PHC3: variants seen among roughly 807,000 people sequenced by gnomAD.
The protein encoded by PHC3 is polyhomeotic-like protein 3.
In PHC3, 13 loss-of-function variants were observed where a neutral mutation model predicts 107.4. The ratio of observed to expected loss-of-function variants is 0.12; its 90% CI spans 0.08 to 0.19. PHC3 has a LOEUF of 0.19. PHC3 is among the 10% of genes least tolerant of loss of function. PHC3 has a pLI of 1.00. For missense variants in PHC3, 992 were observed against 1,210.9 expected (o/e 0.82, Z 2.68); for synonymous variants, 456 against 427.4 (o/e 1.07, Z -0.83).
intron 4 of PHC3, among the ~76,000 whole-genome samples, chr3:170,159,112 G>A (rs999169041): frequency 6.6e-6 from 1 of 151,664 alleles, no homozygotes; most frequent in Non-Finnish European, 1.5e-5. Context: ...TTAGCAGGGC[G>A]TGGTGGCAGG....
At chr3:170,179,455 T>C (rs1005939001) in intron 1 of PHC3, among the ~76,000 whole-genome samples, 1 of 152,226 alleles carries the variant, frequency 6.6e-6, no homozygotes. Context: ...TTTTAAAAAA[T>C]GTTAAAAAGT....
intron 4 of PHC3, among the ~76,000 whole-genome samples, chr3:170,161,223 T>C (rs184915676): frequency 1.4e-4 from 21 of 152,288 alleles, no homozygotes; most frequent in Non-Finnish European, 2.8e-4. Context: ...ACAGTCTTAT[T>C]CAGAACTTGA....
At chr3:170,174,397 G>A (rs1328349787) in intron 2 of PHC3, among the ~76,000 whole-genome samples, 2 of 152,090 alleles carry the variant, frequency 1.3e-5, no homozygotes, top group African/African-American at 4.8e-5. Flanking sequence ...ATCTGAGCCT[G>A]AAACTTCATA....
At chr3:170,112,314 GA>G (rs1307959594) in intron 11 of PHC3, among the ~76,000 whole-genome samples, 1 of 151,250 alleles carries the variant, frequency 6.6e-6, no homozygotes, top group Non-Finnish European at 1.5e-5. Context: ...TGGTTCAAGC[GA>G]TTCTCCTGCC....
At chr3:170,159,434 A>G (rs1727491985) in intron 4 of PHC3, among the ~76,000 whole-genome samples, 1 of 152,134 alleles carries the variant, frequency 6.6e-6, no homozygotes, top group African/African-American at 2.4e-5. Context: ...GGGCTAAAAG[A>G]AAAAGTTAAG....
chr3:170,146,916 CTT>C (rs1725068241), intron 5 of PHC3, among the ~76,000 whole-genome samples: 1 of 117,920 alleles, frequency 8.5e-6, no homozygotes, highest in Non-Finnish European at 1.7e-5. Context: ...GAGTTTCACT[CTT>C]GTTGCCCAGA....
rs1721806176 is a variant in PHC3, at chr3:170,128,977, G to C, written c.1495C>G (p.Gln499Glu). 6.2e-7 allele frequency: 1 copy of C among 1,613,946 alleles called. No individual in the cohort carries two copies. The highest frequency in any genetic ancestry group is 8.5e-7 in the Non-Finnish European group (1 of 1,179,878). The change falls in exon 8 of 15, where the codon CAG becomes GAG. Residue 499 changes from glutamine (Q) to glutamate (E), a missense_variant. By Grantham distance (29) the Gln-to-Glu change is conservative. Around this residue, in one of 6 missense-constraint regions of PHC3, gnomAD observed 543 missense variants for 590.8 expected, o/e 0.92. Coordinates refer to ENST00000495893, the MANE Select transcript of PHC3 (RefSeq NM_024947.4). ...PGQQIVSPSH[Q>E]QYSSLQSSPI... The stretch of plus-strand genomic sequence containing the variant: ...GAGGACTGCAGGGATGAATATTGCT[G>C]GTGTGATGGAGAGACAATCTGCTGG...
rs187483551 is a variant in PHC3, at chr3:170,168,623, G to A, written c.414+2750C>T. 1.3e-3 allele frequency among the ~76,000 whole-genome samples: 195 copies of A among 152,092 alleles called. 2 individuals are homozygous for A. Among genetic ancestry groups the A allele is most frequent in the African/African-American group, 4.4e-3 (184 of 41,502 alleles). On this transcript the variant is annotated intron_variant, in intron 4 of 14. Coordinates refer to ENST00000495893, the MANE Select transcript of PHC3 (RefSeq NM_024947.4). ...TAAAAAATTAGCAGGGTGCGGTGGC[G>A]GGCGCCTGTAGTCCCAGCTACTCAG...
chr3:170,160,390 T>C (rs1727693650), intron 4 of PHC3, among the ~76,000 whole-genome samples: 1 of 152,244 alleles, frequency 6.6e-6, no homozygotes, highest in Non-Finnish European at 1.5e-5. Context: ...TTGATATATC[T>C]AAGCATAGTT....
In PHC3 at chr3:170,088,635, TATACAA is replaced by T. The variant is rs951616871; in HGVS notation, c.*8589_*8594del. On this transcript the variant is annotated 3_prime_UTR_variant, in exon 15 of 15. Coordinates refer to ENST00000495893, the MANE Select transcript of PHC3 (RefSeq NM_024947.4). ...TGACTTTTTAAAATTTAAGAATACA[TATACAA>T]AAAGTACTTATGGAATACATATTTT... is the stretch of plus-strand genomic sequence containing the variant. 1.8e-4 allele frequency: 28 copies of T among 152,294 alleles called. No individual in the cohort carries two copies. The highest frequency in any genetic ancestry group is 6.7e-4 in the African/African-American group (28 of 41,568). 9.4% of individuals were successfully genotyped at this position (152,294 alleles called of 1,614,324 possible).
At chr3:170,161,982 T>C (rs1168562479) in intron 4 of PHC3, among the ~76,000 whole-genome samples, 8 of 152,214 alleles carry the variant, frequency 5.3e-5, no homozygotes, top group Admixed American at 5.2e-4. Context: ...CATAGCATCA[T>C]TTCCTGAACT....
At chr3:170,126,504 G>GTGTATATATATATATATA (rs1272456482) in intron 8 of PHC3, among the ~76,000 whole-genome samples, 5 of 117,322 alleles carry the variant, frequency 4.3e-5, no homozygotes, top group African/African-American at 1.7e-4. Context: ...TGCTCCATAT[G>GTGTATATATATATATATA]TATATATATA....
Position 170,096,384 on chromosome 3 carries a change from A to G in PHC3, c.*846T>C, listed in dbSNP as rs139540807. 1 of 152,232 alleles carries G rather than the reference A, an allele frequency of 6.6e-6. No individual in the cohort carries two copies. The highest frequency in any genetic ancestry group is 2.4e-5 in the African/African-American group (1 of 41,544). 9.4% of individuals were successfully genotyped at this position (152,232 alleles called of 1,614,324 possible). A position where few individuals can be genotyped will look rare whatever the true frequency, so the allele number is the denominator to read the frequency against. On this transcript the variant is annotated 3_prime_UTR_variant, in exon 15 of 15. Coordinates refer to ENST00000495893, the MANE Select transcript of PHC3 (RefSeq NM_024947.4). ...TTGGCAGTACCGATATTTTTGAACCAATAATTCTTTACAGTGGAGGGGTGC... is the reference window on the plus strand; with the variant it reads ...TTGGCAGTACCGATATTTTTGAACCGATAATTCTTTACAGTGGAGGGGTGC...
Position 170,111,394 on chromosome 3 carries a change from GAGGA to G in PHC3, c.2353+1962_2353+1965del, listed in dbSNP as rs750463123. Among the ~76,000 whole-genome samples the G allele has an allele frequency of 4.6e-3, 652 of 142,114 alleles. 5 individuals carry two copies. The highest frequency in any genetic ancestry group is 8.9e-3 in the African/African-American group (341 of 38,170). The allele number at this position is 142,114 out of a possible 152,430, so 93.2% of individuals were successfully genotyped here. ...AAAGAAAGAAAGAGAGAGAAAGAAA[GAGGA>G]AGGAAGGAAGGAAGGAAGGAAAGAA... On this transcript the variant is annotated intron_variant, in intron 11 of 14. Coordinates refer to ENST00000495893, the MANE Select transcript of PHC3 (RefSeq NM_024947.4).
rs1724793731 is a variant in PHC3 at position 170,145,500 on chromosome 3, T to G, written c.595A>C (p.Thr199Pro). The change falls in exon 6 of 15, where the codon ACT (threonine) becomes CCT (proline). Residue 199 changes from threonine to proline, a missense_variant. Thr to Pro is a conservative substitution (Grantham distance 38, BLOSUM62 -1). Transcript: ENST00000495893. ...ATGTCAGACTGTACAGCAGCCACAG[T>G]GGTAGCGGGTGTGAAAATCAGCTGT... ...AQMLIFTPAT[T>P]VAAVQSDIPV... The G allele has an allele frequency of 6.2e-7, 1 of 1,612,504 alleles. No homozygotes were observed. Among genetic ancestry groups the G allele is most frequent in the East Asian group, 2.2e-5 (1 of 44,846 alleles).
intron 8 of PHC3, among the ~76,000 whole-genome samples, chr3:170,124,788 T>C (rs1577065405): frequency 6.6e-6 from 1 of 152,190 alleles, no homozygotes; most frequent in East Asian, 1.9e-4. Flanking sequence ...TATAAAATTA[T>C]ACATAAAAGT....
intron 2 of PHC3, among the ~76,000 whole-genome samples, chr3:170,174,994 T>C (rs1280142035): frequency 2.0e-5 from 3 of 152,256 alleles, no homozygotes; most frequent in Non-Finnish European, 4.4e-5. Context: ...TGTCAGAGTA[T>C]ACTCATTTTT....
intron 7 of PHC3, among the ~76,000 whole-genome samples, chr3:170,134,420 C>T (rs928188412): frequency 1.3e-5 from 2 of 152,030 alleles, no homozygotes; most frequent in Non-Finnish European, 1.5e-5. Context: ...GAACTCCCGA[C>T]CTGAGGTGAT....
At chr3:170,145,765 A>G (rs957360862) in intron 5 of PHC3, among the ~76,000 whole-genome samples, 4 of 152,250 alleles carry the variant, frequency 2.6e-5, no homozygotes, top group Admixed American at 6.5e-5. Flanking sequence ...AGTACTCAAA[A>G]AAGAAAATAT....
Sources: allele counts gnomAD v4.1 joint callset (sites outside exome capture counted in the v4.1 genomes callset), GRCh38; gene constraint gnomAD v4.1.1; regional missense constraint gnomAD v4.1.1; transcripts MANE v1.5; gene names NCBI Gene and HGNC (gene_info 2026-07-23, HGNC 2026-07-21).